Variants in ME3 observed in about 807,000 individuals in gnomAD.
ME3 encodes the protein NADP-dependent malic enzyme, mitochondrial.
A neutral mutation model predicts 68.9 loss-of-function variants in ME3; 48 were observed. That is an observed-to-expected ratio of 0.70 (90% CI 0.55 to 0.89). ME3 has a LOEUF of 0.89. ME3 is among the 40% of genes least tolerant of loss of function. The pLI, the probability that ME3 is intolerant of heterozygous loss-of-function variation, is 0.00. For synonymous variants in ME3, 320 were observed against 318.8 expected (o/e 1.00, Z -0.04); for missense variants, 675 against 797.4 (o/e 0.85, Z 1.85).
intron 4 of ME3, among the ~76,000 whole-genome samples, chr11:86,529,756 C>T (rs942234176): frequency 5.3e-5 from 8 of 152,150 alleles, no homozygotes; most frequent in African/African-American, 1.9e-4. Context: ...AAGACAAAAA[C>T]CACATGATTA....
chr11:86,473,831 A>G (rs1165718101), intron 7 of ME3, among the ~76,000 whole-genome samples: 1 of 152,190 alleles, frequency 6.6e-6, no homozygotes, highest in Non-Finnish European at 1.5e-5. Flanking sequence ...GGAGCCTGAG[A>G]AGGGCAAGTG....
intron 4 of ME3, among the ~76,000 whole-genome samples, chr11:86,551,034 G>A (rs948462190): frequency 1.3e-5 from 2 of 151,882 alleles, no homozygotes; most frequent in African/African-American, 4.8e-5. Context: ...AAGACAAGAA[G>A]GTTCCAATGC....
At chr11:86,499,544 C>A (rs767623662) in intron 5 of ME3, among the ~76,000 whole-genome samples, 1 of 152,094 alleles carries the variant, frequency 6.6e-6, no homozygotes, top group Non-Finnish European at 1.5e-5. Flanking sequence ...AGATGAAGAC[C>A]CATTCTTTCC....
chr11:86,438,699 CT>C (rs1948910841), downstream of ME3, among the ~76,000 whole-genome samples: 1 of 152,142 alleles, frequency 6.6e-6, no homozygotes, highest in African/African-American at 2.4e-5. Flanking sequence ...ATTTTGTTTG[CT>C]TTCCCCCACC....
At chr11:86,658,805 C>T (rs1946089415) in intron 2 of ME3, among the ~76,000 whole-genome samples, 1 of 152,142 alleles carries the variant, frequency 6.6e-6, no homozygotes, top group Non-Finnish European at 1.5e-5. Flanking sequence ...GCTGCCAGCT[C>T]TGGGAGTGTG....
chr11:86,604,233 T>A (rs986648293), intron 2 of ME3, among the ~76,000 whole-genome samples: 4 of 152,076 alleles, frequency 2.6e-5, no homozygotes, highest in African/African-American at 7.2e-5. Context: ...TAAATGTTTC[T>A]TATTAGGTTT....
At chr11:86,631,805 T>C (rs1412238809) in intron 2 of ME3, among the ~76,000 whole-genome samples, 1 of 152,178 alleles carries the variant, frequency 6.6e-6, no homozygotes, top group Non-Finnish European at 1.5e-5. Flanking sequence ...CAATTTCAAC[T>C]CACTGCAACC....
intron 2 of ME3, among the ~76,000 whole-genome samples, chr11:86,664,196 G>T (rs955864981): frequency 2.0e-5 from 3 of 152,078 alleles, no homozygotes; most frequent in Non-Finnish European, 4.4e-5. Flanking sequence ...AAAGAAAATG[G>T]AACATTAAAG....
intron 4 of ME3, among the ~76,000 whole-genome samples, chr11:86,544,400 A>G (rs1399483363): frequency 6.6e-6 from 1 of 152,334 alleles, no homozygotes; most frequent in African/African-American, 2.4e-5. Context: ...AAACAGATAC[A>G]CTGCTAGCCA....
chr11:86,437,449 G>A (rs1428097178), downstream of ME3, among the ~76,000 whole-genome samples: 1 of 152,024 alleles, frequency 6.6e-6, no homozygotes, highest in African/African-American at 2.4e-5. Context: ...GACTCTTTGA[G>A]ATCCTTTACA....
At chr11:86,519,614 C>G (rs767184913) in intron 4 of ME3, among the ~76,000 whole-genome samples, 3 of 152,220 alleles carry the variant, frequency 2.0e-5, no homozygotes, top group Non-Finnish European at 4.4e-5. Flanking sequence ...TCAACTCTAA[C>G]AAAGGCTCGC....
chr11:86,617,555 G>A (rs1943060458), intron 2 of ME3, among the ~76,000 whole-genome samples: 1 of 152,128 alleles, frequency 6.6e-6, no homozygotes, highest in Admixed American at 6.5e-5. Context: ...CTACATTTTA[G>A]CACTGATTGC....
Position 86,593,729 on chromosome 11 carries a change from CTT to C in ME3, c.184-33908_184-33907del, listed in dbSNP as rs922155435. Among the ~76,000 whole-genome samples the C allele has an allele frequency of 2.0e-5, 3 of 146,752 alleles. 1 individual carries two copies. The highest frequency in any genetic ancestry group is 4.7e-4 in the East Asian group (2 of 4,242). On this transcript the variant is annotated intron_variant, in intron 2 of 14. Coordinates refer to ENST00000543262, the Ensembl canonical transcript of ME3. ...CTTAAAAAAATTTTATTTAAACAAA[CTT>C]GAGATCATACTATGTATAAAATTTT...
chr11:86,464,072 T>C (rs1249525238), intron 8 of ME3: 2 of 441,946 alleles, frequency 4.5e-6, no homozygotes, highest in South Asian at 1.6e-5. Flanking sequence ...CTTTTAGATC[T>C]ATCCCTGACT....
intron 2 of ME3, among the ~76,000 whole-genome samples, chr11:86,562,877 G>A (rs942081926): frequency 7.2e-5 from 11 of 151,862 alleles, no homozygotes; most frequent in African/African-American, 2.4e-4. Flanking sequence ...TTAAGTCCAT[G>A]TGTGCTCAAT....
chr11:86,608,974 T>C (rs1418376004), intron 2 of ME3, among the ~76,000 whole-genome samples: 3 of 152,242 alleles, frequency 2.0e-5, no homozygotes, highest in African/African-American at 7.2e-5. Flanking sequence ...GATTGAGCTC[T>C]TATGTGTCAG....
intron 2 of ME3, among the ~76,000 whole-genome samples, chr11:86,627,445 TG>T (rs1943734157): frequency 6.6e-6 from 1 of 152,234 alleles, no homozygotes. Context: ...TTTTCAAAGT[TG>T]GCTTTTTCAA....
chr11:86,539,069 C>T (rs748595044), intron 4 of ME3, among the ~76,000 whole-genome samples: 1 of 152,120 alleles, frequency 6.6e-6, no homozygotes, highest in Non-Finnish European at 1.5e-5. Context: ...GCCAAGACTC[C>T]CTCAAAGTGC....
chr11:86,446,836 C>G (rs1949329558), intron 12 of ME3: 2 of 632,676 alleles, frequency 3.2e-6, no homozygotes, highest in Admixed American at 5.9e-5. Context: ...TTAGGGTGAA[C>G]CTTGAGCAGC....
Sources: allele counts gnomAD v4.1 joint callset (sites outside exome capture counted in the v4.1 genomes callset), GRCh38; gene constraint gnomAD v4.1.1; transcripts MANE v1.5; gene names NCBI Gene and HGNC (gene_info 2026-07-23, HGNC 2026-07-21).